Variants in CDH12 observed in about 807,000 individuals in gnomAD.
CDH12 encodes cadherin-12.
CDH12 carries 41 observed loss-of-function variants against 74.1 expected under a neutral mutation model. That is an observed-to-expected ratio of 0.55 (90% CI 0.43 to 0.72). The LOEUF is 0.72. Ranked by LOEUF, CDH12 falls within the 30% of genes least tolerant of loss-of-function variation. The probability of loss-of-function intolerance (pLI) is 0.00; values close to 1 mark genes in which losing one functional copy is unlikely to be tolerated. For synonymous variants in CDH12, 399 were observed against 355.0 expected (o/e 1.12, Z -1.39); for missense variants, 945 against 977.2 (o/e 0.97, Z 0.44).
At chr5:22,162,782 C>A (rs1447159606) in intron 4 of CDH12, among the ~76,000 whole-genome samples, 2 of 151,942 alleles carry the variant, frequency 1.3e-5, no homozygotes, top group Non-Finnish European at 2.9e-5. Flanking sequence ...TTAGCTGGGG[C>A]TCTGACATCA....
chr5:22,028,665 T>C lies in CDH12; in HGVS notation c.231+49781A>G, dbSNP rs542497806. Among the ~76,000 whole-genome samples, 1,487 of 152,076 alleles carry C rather than the reference T, an allele frequency of 9.8e-3. 12 individuals are homozygous for C. Among genetic ancestry groups the C allele is most frequent in the Non-Finnish European group, 0.016 (1,065 of 67,980 alleles). Reference sequence around the variant, plus strand: ...TGCTCATGGGTAGGAAGAATCAATATCATGAAAATGGCCATACTGCCCAAG... The same window carrying C: ...TGCTCATGGGTAGGAAGAATCAATACCATGAAAATGGCCATACTGCCCAAG... On this transcript the variant is annotated intron_variant, in intron 5 of 14. Transcript: ENST00000382254.
intron 5 of CDH12, among the ~76,000 whole-genome samples, chr5:22,021,787 C>T (rs4419561): frequency 0.037 from 5,572 of 152,160 alleles, 360 homozygotes; most frequent in African/African-American, 0.13. Flanking sequence ...CTAGAAAATG[C>T]GGTTCTGTTA....
At chr5:21,883,046 T>A (rs1454510997) in intron 6 of CDH12, 1 of 1,610,628 alleles carries the variant, frequency 6.2e-7, no homozygotes, top group African/African-American at 1.3e-5. Flanking sequence ...ATGCTGTAAT[T>A]GCTGAACTTA....
intron 4 of CDH12, among the ~76,000 whole-genome samples, chr5:22,132,583 C>A (rs1346414026): frequency 6.6e-6 from 1 of 151,484 alleles, no homozygotes; most frequent in African/African-American, 2.4e-5. Context: ...GAGGGGGAAA[C>A]GGGGAGTAGT....
chr5:22,578,502 T>C (rs774184347), intron 1 of CDH12, among the ~76,000 whole-genome samples: 6 of 152,150 alleles, frequency 3.9e-5, no homozygotes, highest in Non-Finnish European at 8.8e-5. Context: ...CATCACTCTT[T>C]TGTAGAATAC....
chr5:21,773,410 G>A (rs756220191), intron 11 of CDH12, among the ~76,000 whole-genome samples: 3 of 152,136 alleles, frequency 2.0e-5, no homozygotes, highest in African/African-American at 7.2e-5. Flanking sequence ...GCAGAAGAAC[G>A]CGGAAGGACT....
chr5:22,145,587 AT>A (rs1404686708), intron 4 of CDH12, among the ~76,000 whole-genome samples: 7 of 152,042 alleles, frequency 4.6e-5, no homozygotes, highest in Admixed American at 1.3e-4. Flanking sequence ...CAATATATCA[AT>A]TTTTTAACCC....
chr5:21,992,043 T>C (rs961309928), intron 5 of CDH12, among the ~76,000 whole-genome samples: 1 of 152,014 alleles, frequency 6.6e-6, no homozygotes, highest in African/African-American at 2.4e-5. Flanking sequence ...TGCAGTAAGT[T>C]ACATCTTGTT....
At chr5:22,151,611 T>A (rs1747590490) in intron 4 of CDH12, among the ~76,000 whole-genome samples, 1 of 152,160 alleles carries the variant, frequency 6.6e-6, no homozygotes, top group Non-Finnish European at 1.5e-5. Context: ...ATCAAGAGCA[T>A]GTTAGGACTA....
chr5:21,942,349 C>CATATATATATATATATAT (rs1561316398), intron 6 of CDH12, among the ~76,000 whole-genome samples: 3 of 41,026 alleles, frequency 7.3e-5, no homozygotes, highest in African/African-American at 1.6e-4. Context: ...TATATATATA[C>CATATATATATATATATAT]ACACACACAC....
intron 4 of CDH12, among the ~76,000 whole-genome samples, chr5:22,085,767 T>G (rs1743022131): frequency 1.3e-5 from 2 of 152,200 alleles, no homozygotes. Flanking sequence ...ATGCTTTATA[T>G]TTTTTAATGT....
intron 11 of CDH12, among the ~76,000 whole-genome samples, chr5:21,780,719 A>G (rs1745860088): frequency 6.6e-6 from 1 of 152,216 alleles, no homozygotes; most frequent in South Asian, 2.1e-4. Flanking sequence ...GAGTGAAAGT[A>G]ACATGGTTCA....
At chr5:22,015,180 T>A (rs994856768) in intron 5 of CDH12, among the ~76,000 whole-genome samples, 3 of 152,202 alleles carry the variant, frequency 2.0e-5, no homozygotes, top group Admixed American at 1.3e-4. Context: ...TGACATTAGC[T>A]AACTTTGCAG....
At chr5:22,120,767 T>A (rs566810233) in intron 4 of CDH12, among the ~76,000 whole-genome samples, 1 of 152,204 alleles carries the variant, frequency 6.6e-6, no homozygotes, top group South Asian at 2.1e-4. Flanking sequence ...TTTGACTCTT[T>A]AAAATAATCT....
chr5:21,987,058 G>A (rs192870415), intron 5 of CDH12, among the ~76,000 whole-genome samples: 15 of 152,080 alleles, frequency 9.9e-5, no homozygotes, highest in African/African-American at 2.9e-4. Flanking sequence ...ATCTGAACTC[G>A]AATGTAAAAC....
intron 2 of CDH12, among the ~76,000 whole-genome samples, chr5:22,414,719 T>C (rs1222105041): frequency 2.0e-5 from 3 of 151,906 alleles, no homozygotes; most frequent in Admixed American, 6.6e-5. Flanking sequence ...TTATTAGTTA[T>C]AGTTTCAACC....
At chr5:22,326,897 TG>T (rs1296361793) in intron 3 of CDH12, among the ~76,000 whole-genome samples, 1 of 152,210 alleles carries the variant, frequency 6.6e-6, no homozygotes, top group African/African-American at 2.4e-5. Flanking sequence ...AAAGCCTGAT[TG>T]TGAAAATATT....
chr5:21,799,181 G>A (rs1746972625), intron 10 of CDH12, among the ~76,000 whole-genome samples: 1 of 152,160 alleles, frequency 6.6e-6, no homozygotes, highest in Admixed American at 6.6e-5. Context: ...TCAGTAAGTG[G>A]CAAAGAAGTT....
chr5:22,831,286 AAG>A (rs1391904658), intron 1 of CDH12, among the ~76,000 whole-genome samples: 1 of 151,860 alleles, frequency 6.6e-6, no homozygotes, highest in Non-Finnish European at 1.5e-5. Flanking sequence ...GAATTAGTGA[AAG>A]AGAATTGAGA....
Sources: allele counts gnomAD v4.1 joint callset (sites outside exome capture counted in the v4.1 genomes callset), GRCh38; gene constraint gnomAD v4.1.1; transcripts MANE v1.5; gene names NCBI Gene and HGNC (gene_info 2026-07-23, HGNC 2026-07-21).